Variants in VAV3 observed in about 807,000 individuals in gnomAD.
VAV3 encodes the protein guanine nucleotide exchange factor VAV3.
In VAV3, 94 loss-of-function variants were observed where a neutral mutation model predicts 131.2. The observed-to-expected ratio is 0.72, with a 90% CI of 0.61 to 0.85. The LOEUF (loss-of-function observed/expected upper bound fraction) is 0.85, where lower values mean the gene tolerates loss of function less well. Ranked by LOEUF, VAV3 falls within the 40% of genes least tolerant of loss-of-function variation. The pLI is 0.00. For synonymous variants in VAV3, 349 were observed against 342.0 expected (o/e 1.02, Z -0.22); for missense variants, 939 against 1,002.7 (o/e 0.94, Z 0.86).
At chr1:107,889,479 C>T (rs531473898) in intron 1 of VAV3, among the ~76,000 whole-genome samples, 63 of 151,930 alleles carry the variant, frequency 4.1e-4, no homozygotes, top group African/African-American at 1.4e-3. Context: ...TGTGGTAAGA[C>T]AACAGGGCTT....
intron 25 of VAV3, among the ~76,000 whole-genome samples, chr1:107,581,353 T>C (rs1650038034): frequency 6.6e-6 from 1 of 152,198 alleles, no homozygotes; most frequent in Non-Finnish European, 1.5e-5. Context: ...TGAGCTAACA[T>C]ACATGGGGCA....
chr1:107,946,028 C>A (rs1187417754), intron 1 of VAV3, among the ~76,000 whole-genome samples: 1 of 151,926 alleles, frequency 6.6e-6, no homozygotes, highest in Non-Finnish European at 1.5e-5. Flanking sequence ...CTGGGGAGGG[C>A]AGCAGGGTCC....
At chr1:107,858,911 C>T (rs145737755) in intron 2 of VAV3, among the ~76,000 whole-genome samples, 82 of 152,258 alleles carry the variant, frequency 5.4e-4, no homozygotes, top group African/African-American at 1.8e-3. Context: ...AGGGATAAAT[C>T]AGAATTCTAA....
At chr1:107,950,326 T>C (rs969689882) in intron 1 of VAV3, among the ~76,000 whole-genome samples, 1 of 152,150 alleles carries the variant, frequency 6.6e-6, no homozygotes, top group Non-Finnish European at 1.5e-5. Context: ...TTACTTCTAG[T>C]AACAATAATA....
intron 15 of VAV3, among the ~76,000 whole-genome samples, chr1:107,736,706 G>T (rs888433645): frequency 1.3e-5 from 2 of 151,610 alleles, no homozygotes; most frequent in African/African-American, 4.9e-5. Context: ...AATAAAAGAA[G>T]ACACAAACAA....
chr1:107,935,960 G>A (rs1226009474), intron 1 of VAV3, among the ~76,000 whole-genome samples: 1 of 152,144 alleles, frequency 6.6e-6, no homozygotes, highest in Non-Finnish European at 1.5e-5. Context: ...CCCATCAGTT[G>A]AAGAATTTTG....
At chr1:107,813,967 A>AGTGTGTGTGTGTGTGTGTGT (rs58318688) in intron 2 of VAV3, among the ~76,000 whole-genome samples, 6 of 135,858 alleles carry the variant, frequency 4.4e-5, no homozygotes, top group African/African-American at 1.7e-4. Flanking sequence ...ATAGTACTCC[A>AGTGTGTGTGTGTGTGTGTGT]GTGTGTGTGT....
chr1:107,612,288 T>C (rs1652812355), intron 21 of VAV3, among the ~76,000 whole-genome samples: 1 of 152,000 alleles, frequency 6.6e-6, no homozygotes, highest in African/African-American at 2.4e-5. Flanking sequence ...AAGTTTGTGT[T>C]TGTTTGAATA....
intron 1 of VAV3, among the ~76,000 whole-genome samples, chr1:107,909,746 T>A (rs994382951): frequency 1.3e-5 from 2 of 151,414 alleles, no homozygotes; most frequent in Non-Finnish European, 3.0e-5. Context: ...TTAAATATCA[T>A]AATGTAATGC....
chr1:107,666,088 C>T (rs1657388960), intron 19 of VAV3, among the ~76,000 whole-genome samples: 1 of 152,134 alleles, frequency 6.6e-6, no homozygotes, highest in Non-Finnish European at 1.5e-5. Flanking sequence ...CCAGTATTTT[C>T]ACCACACACA....
chr1:107,805,016 T>C (rs78175580), intron 2 of VAV3, among the ~76,000 whole-genome samples: 22,886 of 151,956 alleles, frequency 0.15, 2,001 homozygotes, highest in East Asian at 0.29. Flanking sequence ...TGTTTTCTGT[T>C]GAGAAGTCTG....
intron 3 of VAV3, chr1:107,777,765 T>G (rs1171533515): frequency 6.3e-6 from 1 of 159,610 alleles, no homozygotes; most frequent in Admixed American, 6.3e-5. Flanking sequence ...CTAGTGTAGA[T>G]GAAAACTAGT....
chr1:107,656,304 C>A (rs1226353279), intron 19 of VAV3, among the ~76,000 whole-genome samples: 2 of 152,230 alleles, frequency 1.3e-5, no homozygotes, highest in East Asian at 3.9e-4. Flanking sequence ...GAAATCCTGT[C>A]ATTTGCAGCA....
chr1:107,661,422 G>T (rs929364312), intron 19 of VAV3, among the ~76,000 whole-genome samples: 11 of 152,090 alleles, frequency 7.2e-5, no homozygotes, highest in African/African-American at 2.4e-4. Context: ...CAATGTCTTC[G>T]CAACCCTCCC....
chr1:107,920,000 G>GA (rs998651451), intron 1 of VAV3, among the ~76,000 whole-genome samples: 2 of 152,078 alleles, frequency 1.3e-5, no homozygotes, highest in African/African-American at 2.4e-5. Context: ...AATAAAAGGG[G>GA]AAAAAAATCG....
intron 1 of VAV3, among the ~76,000 whole-genome samples, chr1:107,903,887 A>G (rs895500322): frequency 1.3e-5 from 2 of 152,052 alleles, no homozygotes; most frequent in Non-Finnish European, 1.5e-5. Context: ...TCTTGGTCAC[A>G]CCCAATCCAT....
intron 15 of VAV3, among the ~76,000 whole-genome samples, chr1:107,724,008 G>A (rs543135015): frequency 6.6e-6 from 1 of 152,052 alleles, no homozygotes; most frequent in African/African-American, 2.4e-5. Flanking sequence ...CAAGCAACTT[G>A]TCCAAGGCTC....
chr1:107,806,300 G>C (rs1301120780), intron 2 of VAV3, among the ~76,000 whole-genome samples: 1 of 152,006 alleles, frequency 6.6e-6, no homozygotes, highest in South Asian at 2.1e-4. Flanking sequence ...CTTGCTGCTG[G>C]GCTGACTGGG....
intron 19 of VAV3, among the ~76,000 whole-genome samples, chr1:107,655,503 T>C (rs1303962016): frequency 6.6e-6 from 1 of 152,056 alleles, no homozygotes; most frequent in Non-Finnish European, 1.5e-5. Context: ...ATCTAAGGCC[T>C]CAAACTATGA....
Sources: gnomAD v4.1 joint callset for allele counts (sites outside exome capture counted in the v4.1 genomes callset) on GRCh38, gnomAD v4.1.1 for gene constraint, MANE v1.5 for transcripts, NCBI Gene and HGNC (gene_info 2026-07-23, HGNC 2026-07-21) for gene names.